GRK5: variants seen among roughly 807,000 people sequenced by gnomAD.
GRK5 encodes the protein G protein-coupled receptor kinase 5, also known as g protein-coupled receptor kinase GRK5.
In GRK5, 40 loss-of-function variants were observed where a neutral mutation model predicts 78.4. The observed-to-expected ratio is 0.51, with a 90% CI of 0.40 to 0.66. The LOEUF is 0.66. Ranked by LOEUF, GRK5 falls within the 30% of genes least tolerant of loss-of-function variation. The pLI is 0.00. For missense variants in GRK5, 598 were observed against 759.9 expected (o/e 0.79, Z 2.50); for synonymous variants, 289 against 296.8 (o/e 0.97, Z 0.27).
rs56082726 is a variant in GRK5, at chr10:119,280,781, C to CT, written c.53-45719dup. Reference sequence around the variant, plus strand: ...CTTCCTTCCCTCCCTCCCTCCTTTTCTTTTTTTTTTTTTTTTGAGACAGAG... The same window carrying CT: ...CTTCCTTCCCTCCCTCCCTCCTTTTCTTTTTTTTTTTTTTTTTGAGACAGAG... On this transcript the variant is annotated intron_variant, in intron 1 of 15. Coordinates refer to ENST00000392870, the MANE Select transcript of GRK5 (RefSeq NM_005308.3). Among the ~76,000 whole-genome samples, 124 of 91,522 alleles carry CT rather than the reference C, an allele frequency of 1.4e-3. 2 individuals carry two copies. Among genetic ancestry groups the CT allele is most frequent in the African/African-American group, 4.3e-3 (100 of 23,348 alleles). The allele number at this position is 91,522 out of a possible 152,430, so 60.0% of individuals were successfully genotyped here. A position where few individuals can be genotyped will look rare whatever the true frequency, so the allele number is the denominator to read the frequency against.
Position 119,431,417 on chromosome 10 carries a change from A to C in GRK5, c.628A>C (p.Lys210Gln), listed in dbSNP as rs967398207. Residue 210 changes from lysine (K) to glutamine (Q), a missense_variant, in exon 8 of 16, where the codon AAA (lysine) becomes CAA (glutamine). Physicochemically the swap from Lys to Gln is moderately conservative, Grantham distance 53. Transcript: ENST00000392870. The surrounding 1 kb of genome is among the most constrained non-coding windows in gnomAD (Gnocchi z 4.8). Reference protein sequence around the residue: ...VCACQVRATGKMYACKRLEKK... With the variant: ...VCACQVRATGQMYACKRLEKK... ...TGCCTGCCAGGTTCGGGCCACGGGT[A>C]AAATGTATGCCTGCAAGCGCTTGGA... is the stretch of plus-strand genomic sequence containing the variant. 5.0e-6 allele frequency: 8 copies of C among 1,613,814 alleles called. No individual in the cohort carries two copies. Among genetic ancestry groups the C allele is most frequent in the Non-Finnish European group, 6.8e-6 (8 of 1,179,846 alleles).
chr10:119,392,711 C>T (rs1194983812), intron 3 of GRK5, among the ~76,000 whole-genome samples: 1 of 151,922 alleles, frequency 6.6e-6, no homozygotes. Flanking sequence ...GCTAAGAGAG[C>T]TTTAAATGAA....
intron 1 of GRK5, among the ~76,000 whole-genome samples, chr10:119,279,082 A>G (rs1196209720): frequency 6.6e-6 from 1 of 151,854 alleles, no homozygotes; most frequent in Non-Finnish European, 1.5e-5. Context: ...GGGTTTCACC[A>G]TGTTAGCCAG....
intron 1 of GRK5, among the ~76,000 whole-genome samples, chr10:119,313,080 G>GTGGTGGTGA (rs1456748830): frequency 1.3e-5 from 2 of 149,128 alleles, no homozygotes; most frequent in African/African-American, 4.9e-5. Context: ...GATGGTGGTG[G>GTGGTGGTGA]TGGTGGTGAT....
At chr10:119,358,008 G>A (rs1462852983) in intron 2 of GRK5, among the ~76,000 whole-genome samples, 1 of 152,218 alleles carries the variant, frequency 6.6e-6, no homozygotes. Flanking sequence ...ACCCAAAGGG[G>A]AGAGGCCTCA....
At chr10:119,257,409 G>A (rs1849306692) in intron 1 of GRK5, among the ~76,000 whole-genome samples, 1 of 152,206 alleles carries the variant, frequency 6.6e-6, no homozygotes, top group African/African-American at 2.4e-5. Flanking sequence ...GCAGGTGGGA[G>A]GGAGTATGTC....
intron 3 of GRK5, among the ~76,000 whole-genome samples, 164 bp from the exon 4 acceptor site, chr10:119,396,531 C>T (rs184145179): frequency 1.6e-3 from 249 of 152,334 alleles, no homozygotes; most frequent in African/African-American, 5.7e-3. Flanking sequence ...GACTAAACAT[C>T]GGGGCTCCGT....
intron 13 of GRK5, among the ~76,000 whole-genome samples, chr10:119,448,609 A>G (rs1853209019): frequency 2.0e-5 from 3 of 152,234 alleles, no homozygotes; most frequent in Admixed American, 2.0e-4. Context: ...GGGTGAAATG[A>G]GAACTGAATG....
In GRK5 at chr10:119,245,422, G is replaced by A. The variant is rs141026715; in HGVS notation, c.52+37453G>A. On this transcript the variant is annotated intron_variant, in intron 1 of 15. Transcript: ENST00000392870. ...GAAATGAAAAAACTGTGGCGTGTTC[G>A]TGCAATGGAATACTATCCAGCCTTA... Among the ~76,000 whole-genome samples the A allele has an allele frequency of 1.1e-3, 164 of 152,246 alleles. 1 individual carries two copies. Among genetic ancestry groups the A allele is most frequent in the African/African-American group, 3.8e-3 (159 of 41,538 alleles).
intron 13 of GRK5, among the ~76,000 whole-genome samples, chr10:119,449,927 A>G (rs949460090): frequency 3.9e-5 from 6 of 151,948 alleles, no homozygotes; most frequent in Admixed American, 3.9e-4. Flanking sequence ...CATGAACAAC[A>G]CTCGCCTTGG....
intron 1 of GRK5, among the ~76,000 whole-genome samples, chr10:119,290,301 C>T (rs1849927726): frequency 7.5e-6 from 1 of 132,784 alleles, no homozygotes; most frequent in African/African-American, 2.8e-5. Flanking sequence ...GAGCTGAGAT[C>T]ATGCCGCTGC....
chr10:119,292,400 C>T (rs898604551), intron 1 of GRK5, among the ~76,000 whole-genome samples: 5 of 152,112 alleles, frequency 3.3e-5, no homozygotes, highest in African/African-American at 9.7e-5. Context: ...GGATAGCCCC[C>T]ATGTTCATCT....
intron 2 of GRK5, among the ~76,000 whole-genome samples, chr10:119,376,240 C>G (rs1851618414): frequency 6.6e-6 from 1 of 152,174 alleles, no homozygotes; most frequent in African/African-American, 2.4e-5. Flanking sequence ...TCCCAGTCAC[C>G]TTCCTCTTCC....
intron 4 of GRK5, among the ~76,000 whole-genome samples, chr10:119,416,221 CG>C (rs1263414228): frequency 3.9e-5 from 6 of 152,346 alleles, no homozygotes; most frequent in Middle Eastern, 3.4e-3. Flanking sequence ...TCTGGAGTTT[CG>C]CACTGATGCA....
chr10:119,216,107 G>A (rs1589683593), intron 1 of GRK5, among the ~76,000 whole-genome samples: 1 of 152,336 alleles, frequency 6.6e-6, no homozygotes, highest in East Asian at 1.9e-4. Flanking sequence ...GAAAGAAAGT[G>A]TTTGAAACAA....
intron 4 of GRK5, among the ~76,000 whole-genome samples, chr10:119,418,226 C>G (rs1852502462): frequency 6.6e-6 from 1 of 152,180 alleles, no homozygotes; most frequent in Admixed American, 6.5e-5. Context: ...GTGAAGGGGG[C>G]TTTTATACAG....
intron 2 of GRK5, among the ~76,000 whole-genome samples, chr10:119,359,209 C>A (rs957035201): frequency 6.6e-6 from 1 of 152,140 alleles, no homozygotes; most frequent in Non-Finnish European, 1.5e-5. Context: ...GGGGCTGGGG[C>A]AATCCAGGAA....
chr10:119,356,950 C>T (rs1289789712), intron 2 of GRK5, among the ~76,000 whole-genome samples: 1 of 152,250 alleles, frequency 6.6e-6, no homozygotes, highest in East Asian at 1.9e-4. Flanking sequence ...TGAGCTATCT[C>T]ATGCTACCTC....
chr10:119,443,809 TG>T, intron 12 of GRK5, 57 bp downstream of exon 12: 1 of 1,441,096 alleles, frequency 6.9e-7, no homozygotes, highest in Non-Finnish European at 9.4e-7. Context: ...TCCCTGGGCC[TG>T]GCCCCAGTCT....
Sources: allele counts gnomAD v4.1 joint callset (sites outside exome capture counted in the v4.1 genomes callset), GRCh38; gene constraint gnomAD v4.1.1; non-coding constraint Gnocchi (gnomAD v3.1); transcripts MANE v1.5; gene names NCBI Gene and HGNC (gene_info 2026-07-23, HGNC 2026-07-21).